Variants in CD22 observed in about 807,000 individuals in gnomAD.
The protein encoded by CD22 is CD22 molecule, also known as B-cell receptor CD22.
Under a neutral mutation model 94.7 loss-of-function variants are expected in CD22, and 51 were observed. That is an observed-to-expected ratio of 0.54 (90% CI 0.43 to 0.68). CD22 has a LOEUF of 0.68. Ranked by LOEUF, CD22 falls within the 30% of genes least tolerant of loss-of-function variation. The probability of loss-of-function intolerance (pLI) is 0.00; values close to 1 mark genes in which losing one functional copy is unlikely to be tolerated. For synonymous variants in CD22, 424 were observed against 422.5 expected (o/e 1.00, Z -0.04); for missense variants, 931 against 1,060.4 (o/e 0.88, Z 1.69).
Position 35,341,345 on chromosome 19 carries a change from G to T in CD22, c.1510G>T (p.Ala504Ser), listed in dbSNP as rs1481597290. The T allele has an allele frequency of 6.2e-7, 1 of 1,612,828 alleles. No individual in the cohort carries two copies. Among genetic ancestry groups the T allele is most frequent in the East Asian group, 2.2e-5 (1 of 44,844 alleles). ...AGCTTGGGACCCTTGCCCTCCAGATGCCCCCCGAGACGTGAGGGTCCGGAA... is the reference window on the plus strand; with the variant it reads ...AGCTTGGGACCCTTGCCCTCCAGATTCCCCCCGAGACGTGAGGGTCCGGAA... The part of the protein sequence containing the change: ...ASPVALNVQY[A>S]PRDVRVRKIK... The change falls in exon 8 of 14, where the codon GCC (alanine) becomes TCC (serine). Residue 504 changes from alanine to serine, a missense_variant and splice_region_variant. By Grantham distance (99) the Ala-to-Ser change is moderately conservative. Transcript: ENST00000085219. This position sits in a 1 kb window ranked among gnomAD's most constrained non-coding sequence, Gnocchi z 4.0.
intron 3 of CD22, among the ~76,000 whole-genome samples, chr19:35,334,022 C>T (rs8113596): frequency 0.15 from 23,463 of 152,162 alleles, 2,075 homozygotes; most frequent in East Asian, 0.23. Flanking sequence ...AACACTGACA[C>T]CTCAGTGCTT....
At position 35,341,645 on chromosome 19, in the gene CD22, G is replaced by A; in HGVS notation, c.1771+39G>A. 1 of 1,606,982 alleles carries A rather than the reference G, an allele frequency of 6.2e-7. No homozygotes were observed. Among genetic ancestry groups the A allele is most frequent in the Non-Finnish European group, 8.5e-7 (1 of 1,175,332 alleles). On this transcript the variant is annotated intron_variant, in intron 8 of 13. Transcript: ENST00000085219. This position sits in a 1 kb window ranked among gnomAD's most constrained non-coding sequence, Gnocchi z 4.0. The stretch of plus-strand genomic sequence containing the variant: ...GGAGGCTGGGAGTGGAGCAGAGAAG[G>A]GACCAGTGGCCTGCCTGGTAGTGAC...
intron 3 of CD22, among the ~76,000 whole-genome samples, chr19:35,335,790 G>C (rs1410008479): frequency 2.0e-5 from 3 of 151,982 alleles, no homozygotes; most frequent in Non-Finnish European, 1.5e-5. Flanking sequence ...GGGAGGTAGA[G>C]GTTACAGCGA....
At chr19:35,334,417 G>A (rs898446426) in intron 3 of CD22, among the ~76,000 whole-genome samples, 4 of 151,846 alleles carry the variant, frequency 2.6e-5, no homozygotes, top group African/African-American at 7.2e-5. Context: ...GAAGTAAAAC[G>A]AACATCTTAT....
chr19:35,341,059 C>G lies in CD22; in HGVS notation c.1428C>G (p.Gly476=), dbSNP rs1377497853. 2 of 1,614,110 alleles carry G rather than the reference C, an allele frequency of 1.2e-6. No individual in the cohort carries two copies. The highest frequency in any genetic ancestry group is 1.3e-5 in the African/African-American group (1 of 74,946). The change falls in exon 7 of 14, where the codon GGC becomes GGG. Residue 476 remains glycine (G), a synonymous_variant. Transcript: ENST00000085219. The surrounding 1 kb of genome is among the most constrained non-coding windows in gnomAD (Gnocchi z 4.0). The stretch of plus-strand genomic sequence containing the variant: ...GGGTGCTGAAGATCCAAAACGTTGG[C>G]TGGGACAACACAACCATCGCCTGCG... ...SLGVLKIQNV[G]WDNTTIACAA...
At chr19:35,342,057 T>TTCCTTC (rs1568490226) in intron 9 of CD22, 92 bp downstream of exon 9, 18,617 of 751,534 alleles carry the variant, frequency 0.025, 648 homozygotes, top group Middle Eastern at 0.037. Flanking sequence ...TTCCTTCCTT[T>TTCCTTC]CTTTCTCTCT....
chr19:35,336,494 C>T (rs1276234268), intron 4 of CD22, 153 bp downstream of exon 4: 9 of 659,592 alleles, frequency 1.4e-5, no homozygotes, highest in Admixed American at 2.9e-5. Context: ...CCTGGTGTTT[C>T]GGGAAAAAGA....
rs928541844 is a variant in CD22, at chr19:35,337,221, G to T, written c.719-534G>T. ...ACCACTGCACTCCAACCTGGGTGAC[G>T]AGTGAGACTCCATCTCAAAAAAAGA... On this transcript the variant is annotated intron_variant, in intron 4 of 13. Coordinates refer to ENST00000085219, the MANE Select transcript of CD22 (RefSeq NM_001771.4). The surrounding 1 kb of genome is among the most constrained non-coding windows in gnomAD (Gnocchi z 4.4). Among the ~76,000 whole-genome samples the T allele has an allele frequency of 6.6e-6, 1 of 152,032 alleles. No individual in the cohort carries two copies. Among genetic ancestry groups the T allele is most frequent in the Non-Finnish European group, 1.5e-5 (1 of 68,004 alleles).
Position 35,346,980 on chromosome 19 carries a change from C to T in CD22, c.*283C>T, listed in dbSNP as rs1357210460. On this transcript the variant is annotated 3_prime_UTR_variant, in exon 14 of 14. Transcript: ENST00000085219. ...CTAAATACCTGCCCTGACATGCACACCTCCCCCTGCCCCCACCACGGCCAC... is the reference window on the plus strand; with the variant it reads ...CTAAATACCTGCCCTGACATGCACATCTCCCCCTGCCCCCACCACGGCCAC... The T allele has an allele frequency of 1.8e-5, 6 of 327,024 alleles. No homozygotes were observed. The highest frequency in any genetic ancestry group is 3.4e-5 in the Non-Finnish European group (6 of 176,384). The allele number at this position is 327,024 out of a possible 1,614,324, so 20.3% of individuals were successfully genotyped here. A position where few individuals can be genotyped will look rare whatever the true frequency, so the allele number is the denominator to read the frequency against.
intron 4 of CD22, 61 bp downstream of exon 4, chr19:35,336,402 C>G: frequency 2.0e-6 from 3 of 1,507,426 alleles, no homozygotes; most frequent in African/African-American, 1.4e-5. Flanking sequence ...TCCCCAGCCC[C>G]GCAGGGGGCA....
In CD22 at chr19:35,340,901, A is replaced by G; in HGVS notation, c.1270A>G (p.Thr424Ala). 6.2e-7 allele frequency: 1 copy of G among 1,614,158 alleles called. No homozygotes were observed. Among genetic ancestry groups the G allele is most frequent in the Non-Finnish European group, 8.5e-7 (1 of 1,180,018 alleles). Residue 424 changes from threonine to alanine, a missense_variant, in exon 7 of 14, where the codon ACA becomes GCA. Coordinates refer to ENST00000085219, the MANE Select transcript of CD22 (RefSeq NM_001771.4). ...TCCAGATCCTCCCAAGAAGGTGACC[A>G]CAGTGATTCAAAACCCCATGCCGAT... ...DVQYPPKKVTTVIQNPMPIRE... is the reference protein window; with the variant it reads ...DVQYPPKKVTAVIQNPMPIRE...
Position 35,341,705 on chromosome 19 carries a change from C to T in CD22, c.1775C>T (p.Ala592Val). 6.2e-7 allele frequency: 1 copy of T among 1,609,384 alleles called. No homozygotes were observed. The highest frequency in any genetic ancestry group is 8.5e-7 in the Non-Finnish European group (1 of 1,178,936). Reference protein sequence around the residue: ...SKAWTLEVLYAPRRLRVSMSP... With the variant: ...SKAWTLEVLYVPRRLRVSMSP... ...CCTCCCCCTGCCCGCCATGCAGATG[C>T]ACCCAGGAGGCTGCGTGTGTCCATG... The change falls in exon 9 of 14, where the codon GCA becomes GTA. Residue 592 changes from alanine to valine, a missense_variant. Physicochemically the swap from Ala to Val is moderately conservative, Grantham distance 64 (BLOSUM62 0). Coordinates refer to ENST00000085219, the MANE Select transcript of CD22 (RefSeq NM_001771.4). This position sits in a 1 kb window ranked among gnomAD's most constrained non-coding sequence, Gnocchi z 4.0.
chr19:35,342,210 C>A (rs900103734), intron 9 of CD22, among the ~76,000 whole-genome samples: 11 of 151,826 alleles, frequency 7.2e-5, no homozygotes, highest in Non-Finnish European at 1.6e-4. Flanking sequence ...TACTCTGTCA[C>A]CCAGGCTGGA....
rs769843750 is a variant in CD22, at chr19:35,341,959, G to A, written c.2029G>A (p.Val677Ile). The change falls in exon 9 of 14, where the codon GTC becomes ATC. Residue 677 changes from valine (V) to isoleucine (I), a missense_variant. Coordinates refer to ENST00000085219, the MANE Select transcript of CD22 (RefSeq NM_001771.4). This position sits in a 1 kb window ranked among gnomAD's most constrained non-coding sequence, Gnocchi z 4.0. Reference sequence around the variant, plus strand: ...CCGTTCGCCTCTCAGCACCCTCACCGTCTACTGTAAGGCCTCTTCCTGCTC... The same window carrying A: ...CCGTTCGCCTCTCAGCACCCTCACCATCTACTGTAAGGCCTCTTCCTGCTC... ...KGRSPLSTLT[V>I]YYSPETIGRR... The A allele has an allele frequency of 8.8e-5, 141 of 1,611,384 alleles. No individual in the cohort carries two copies. Among genetic ancestry groups the A allele is most frequent in the Middle Eastern group, 5.0e-4 (3 of 6,052 alleles).
Position 35,341,307 on chromosome 19 carries a change from G to A in CD22, c.1508-36G>A, listed in dbSNP as rs1281737149. 30 of 1,607,514 alleles carry A rather than the reference G, an allele frequency of 1.9e-5. No homozygotes were observed. Among genetic ancestry groups the A allele is most frequent in the Non-Finnish European group, 2.3e-5 (27 of 1,175,764 alleles). ...GCCTGGGGACAGCAAAAGGGACAGGGAGCGGAGAGGTCAGCTTGGGACCCT... is the reference window on the plus strand; with the variant it reads ...GCCTGGGGACAGCAAAAGGGACAGGAAGCGGAGAGGTCAGCTTGGGACCCT... On this transcript the variant is annotated intron_variant, in intron 7 of 13. Coordinates refer to ENST00000085219, the MANE Select transcript of CD22 (RefSeq NM_001771.4). The surrounding 1 kb of genome is among the most constrained non-coding windows in gnomAD (Gnocchi z 4.0).
intron 12 of CD22, 110 bp downstream of exon 12, chr19:35,345,830 A>G (rs992052537): frequency 1.9e-5 from 15 of 793,592 alleles, no homozygotes; most frequent in Admixed American, 1.6e-4. Flanking sequence ...ACCCTGATAC[A>G]TGCTCTGCCT....
At chr19:35,339,899 G>A (rs1428085289) in intron 6 of CD22, among the ~76,000 whole-genome samples, 3 of 152,120 alleles carry the variant, frequency 2.0e-5, no homozygotes. Flanking sequence ...CTCCATGAGG[G>A]ACACAGAGAC....
chr19:35,343,436 G>T (rs549843192), intron 9 of CD22, among the ~76,000 whole-genome samples: 1 of 152,208 alleles, frequency 6.6e-6, no homozygotes, highest in Middle Eastern at 3.4e-3. Context: ...TTTTTCACAC[G>T]CACAATTCAC....
chr19:35,338,583 C>A, intron 6 of CD22, 152 bp downstream of exon 6: 3 of 754,050 alleles, frequency 4.0e-6, no homozygotes, highest in Non-Finnish European at 6.4e-6. Context: ...CAGCTCCTAG[C>A]ATAGGGCCTG....
Sources: gnomAD v4.1 joint callset for allele counts (sites outside exome capture counted in the v4.1 genomes callset) on GRCh38, gnomAD v4.1.1 for gene constraint, Gnocchi (gnomAD v3.1) non-coding constraint, MANE v1.5 for transcripts, NCBI Gene and HGNC (gene_info 2026-07-23, HGNC 2026-07-21) for gene names.